CALML4: variants seen among roughly 807,000 people sequenced by gnomAD.
CALML4 encodes calmodulin-like protein 4.
A neutral mutation model predicts 17.9 loss-of-function variants in CALML4; 16 were observed. That is an observed-to-expected ratio of 0.89 (90% CI 0.61 to 1.36). CALML4 has a LOEUF of 1.36. Ranked by LOEUF, CALML4 falls within the 40% of genes most tolerant of loss-of-function variation. The pLI is 0.00. For synonymous variants in CALML4, 86 were observed against 71.5 expected, an observed-to-expected ratio of 1.20 and a Z score of -1.02; for missense variants, 203 against 194.8, an observed-to-expected ratio of 1.04 and a Z score of -0.25.
At chr15:68,194,810 AGT>A (rs1273448850) in intron 4 of CALML4, among the ~76,000 whole-genome samples, 1 of 151,996 alleles carries the variant, frequency 6.6e-6, no homozygotes, top group Non-Finnish European at 1.5e-5. Flanking sequence ...CATCCTCCAC[AGT>A]CCCAGGCTTC....
chr15:68,204,376 C>A lies in CALML4; in HGVS notation c.34+745G>T, dbSNP rs971837983. Reference sequence around the variant, plus strand: ...GGATGCCTCGGGGGACTCTCAGGCCCATTGACGTCCACTGTTGGGACAGGT... The same window carrying A: ...GGATGCCTCGGGGGACTCTCAGGCCAATTGACGTCCACTGTTGGGACAGGT... On this transcript the variant is annotated intron_variant, in intron 2 of 4. Transcript: ENST00000467889. This position sits in a 1 kb window ranked among gnomAD's most constrained non-coding sequence, Gnocchi z 6.0. Among the ~76,000 whole-genome samples, 5 of 152,184 alleles carry A rather than the reference C, an allele frequency of 3.3e-5. No individual in the cohort carries two copies. Among genetic ancestry groups the A allele is most frequent in the Admixed American group, 1.3e-4 (2 of 15,278 alleles).
chr15:68,193,807 A>G lies in CALML4; in HGVS notation c.*208T>C, dbSNP rs2093130936. The G allele has an allele frequency of 5.8e-6, 3 of 520,950 alleles. No individual in the cohort carries two copies. Among genetic ancestry groups the G allele is most frequent in the Non-Finnish European group, 1.0e-5 (3 of 292,302 alleles). 32.3% of individuals were successfully genotyped at this position (520,950 alleles called of 1,614,324 possible). On this transcript the variant is annotated 3_prime_UTR_variant, in exon 5 of 5. Coordinates refer to ENST00000467889, the MANE Select transcript of CALML4 (RefSeq NM_033429.3). ...AAGGGCCGGACTCACGGTAGTTAATAAAATCAATACAAATCTTTTATTAAA... is the reference window on the plus strand; with the variant it reads ...AAGGGCCGGACTCACGGTAGTTAATGAAATCAATACAAATCTTTTATTAAA...
intron 4 of CALML4, 127 bp from the exon 5 acceptor site, chr15:68,194,239 A>C (rs2093133045): frequency 3.0e-6 from 2 of 659,204 alleles, no homozygotes; most frequent in East Asian, 5.4e-5. Flanking sequence ...CCTGTAGACC[A>C]GGAAGTAAAC....
intron 2 of CALML4, among the ~76,000 whole-genome samples, chr15:68,203,807 C>T (rs979635066): frequency 4.6e-5 from 7 of 152,226 alleles, no homozygotes; most frequent in Non-Finnish European, 7.3e-5. Flanking sequence ...CTTCCCACTT[C>T]GCTAGGCCAC....
In CALML4 at chr15:68,197,424, G is replaced by C. The variant is rs766244711; in HGVS notation, c.364+16C>G. 16 of 1,610,436 alleles carry C rather than the reference G, an allele frequency of 9.9e-6. No homozygotes were observed. In the East Asian group the frequency reaches 3.6e-4, roughly 36 times the overall value. On this transcript the variant is annotated intron_variant, in intron 4 of 4. Transcript: ENST00000467889. The surrounding 1 kb of genome is among the most constrained non-coding windows in gnomAD (Gnocchi z 4.1). ...AACCCCCTCCAACTGTTGGGAGACA[G>C]GACCCAGGCTGTTACCTTCCTTGTG...
Position 68,197,858 on chromosome 15 carries a change from C to T in CALML4, c.176-230G>A, listed in dbSNP as rs1035935468. ...TTCAGCAACGTCCTCAGTGACGATGCTTATCATCACCCCAAAGCTCAAGAA... is the reference window on the plus strand; with the variant it reads ...TTCAGCAACGTCCTCAGTGACGATGTTTATCATCACCCCAAAGCTCAAGAA... On this transcript the variant is annotated intron_variant, in intron 3 of 4. Coordinates refer to ENST00000467889, the MANE Select transcript of CALML4 (RefSeq NM_033429.3). The surrounding 1 kb of genome is among the most constrained non-coding windows in gnomAD (Gnocchi z 4.1). 3.5e-5 allele frequency: 18 copies of T among 511,508 alleles called. No individual in the cohort carries two copies. The East Asian group carries it at 5.9e-4, about 17-fold the overall frequency. 31.7% of individuals were successfully genotyped at this position (511,508 alleles called of 1,614,324 possible).
In CALML4 at chr15:68,204,584, G is replaced by A. The variant is rs1471380810; in HGVS notation, c.34+537C>T. Among the ~76,000 whole-genome samples, 1 of 152,204 alleles carries A rather than the reference G, an allele frequency of 6.6e-6. No homozygotes were observed. Among genetic ancestry groups the A allele is most frequent in the African/African-American group, 2.4e-5 (1 of 41,452 alleles). ...CCTGCACGGTGTGAAACTGAAGCCT[G>A]GTCGAGGGCTGGCAGAGTAGGGGAC... is the stretch of plus-strand genomic sequence containing the variant. On this transcript the variant is annotated intron_variant, in intron 2 of 4. Transcript: ENST00000467889. This position sits in a 1 kb window ranked among gnomAD's most constrained non-coding sequence, Gnocchi z 6.0.
Position 68,197,541 on chromosome 15 carries a change from A to G in CALML4, c.263T>C (p.Leu88Pro). Residue 88 changes from leucine to proline, a missense_variant, in exon 4 of 5, where the codon CTA becomes CCA. Physicochemically the swap from Leu to Pro is moderately conservative, Grantham distance 98. Coordinates refer to ENST00000467889, the MANE Select transcript of CALML4 (RefSeq NM_033429.3). This position sits in a 1 kb window ranked among gnomAD's most constrained non-coding sequence, Gnocchi z 4.1. The stretch of plus-strand genomic sequence containing the variant: ...CTCCTTGTCCACCATCAACATGGCT[A>G]GAAGAATTTCTTTCTTTGGGTCTTC... ...KQEDPKKEIL[L>P]AMLMVDKEKK... The G allele has an allele frequency of 6.2e-7, 1 of 1,614,142 alleles. No homozygotes were observed. The highest frequency in any genetic ancestry group is 8.5e-7 in the Non-Finnish European group (1 of 1,180,012).
rs1313491067 is a variant in CALML4 at position 68,194,076 on chromosome 15, T to C, written c.401A>G (p.Asn134Ser). The C allele has an allele frequency of 1.9e-6, 3 of 1,613,922 alleles. No individual in the cohort carries two copies. The highest frequency in any genetic ancestry group is 1.3e-5 in the African/African-American group (1 of 74,926). Reference sequence around the variant, plus strand: ...AAATTCATCATACTTCACTTTGCCATTGGGTTCGATATCTGCTTCCCTGAA... The same window carrying C: ...AAATTCATCATACTTCACTTTGCCACTGGGTTCGATATCTGCTTCCCTGAA... The part of the protein sequence containing the change: ...DLFREADIEP[N>S]GKVKYDEFIH... Residue 134 changes from asparagine to serine, a missense_variant, in exon 5 of 5, where the codon AAT becomes AGT. Asn to Ser is a conservative substitution (Grantham distance 46). Transcript: ENST00000467889.
At position 68,197,418 on chromosome 15, in the gene CALML4, G is replaced by A; in HGVS notation, c.364+22C>T. ...CTCCCTAACCCCCTCCAACTGTTGG[G>A]AGACAGGACCCAGGCTGTTACCTTC... On this transcript the variant is annotated intron_variant, in intron 4 of 4. Coordinates refer to ENST00000467889, the MANE Select transcript of CALML4 (RefSeq NM_033429.3). This position sits in a 1 kb window ranked among gnomAD's most constrained non-coding sequence, Gnocchi z 4.1. 7 of 1,607,870 alleles carry A rather than the reference G, an allele frequency of 4.4e-6. No homozygotes were observed. Among genetic ancestry groups the A allele is most frequent in the Non-Finnish European group, 5.9e-6 (7 of 1,176,900 alleles).
rs755636457 is a variant in CALML4 at position 68,197,430 on chromosome 15, AG to A, written c.364+9del. ...CTCCAACTGTTGGGAGACAGGACCC[AG>A]GCTGTTACCTTCCTTGTGGGTGAGC... On this transcript the variant is annotated intron_variant, in intron 4 of 4. Coordinates refer to ENST00000467889, the MANE Select transcript of CALML4 (RefSeq NM_033429.3). The surrounding 1 kb of genome is among the most constrained non-coding windows in gnomAD (Gnocchi z 4.1). 1 of 1,611,948 alleles carries A rather than the reference AG, an allele frequency of 6.2e-7. No individual in the cohort carries two copies. Among genetic ancestry groups the A allele is most frequent in the Non-Finnish European group, 8.5e-7 (1 of 1,178,936 alleles).
At chr15:68,205,658 T>C (rs988624146), upstream of CALML4, 3 of 428,210 alleles carry the variant, frequency 7.0e-6, no homozygotes, top group African/African-American at 6.0e-5. The surrounding 1 kb of genome is among the most constrained non-coding windows in gnomAD (Gnocchi z 4.8). Context: ...CCGGGTCGTA[T>C]TGAAGGCTCC....
Position 68,197,652 on chromosome 15 carries a change from G to GA in CALML4, c.176-25dup, listed in dbSNP as rs755034568. The GA allele has an allele frequency of 1.0e-3, 1,637 of 1,609,110 alleles. 4 individuals carry two copies. Among genetic ancestry groups the GA allele is most frequent in the Non-Finnish European group, 1.3e-3 (1,526 of 1,177,148 alleles). On this transcript the variant is annotated intron_variant, in intron 3 of 4. Coordinates refer to ENST00000467889, the MANE Select transcript of CALML4 (RefSeq NM_033429.3). This position sits in a 1 kb window ranked among gnomAD's most constrained non-coding sequence, Gnocchi z 4.1. ...GTCTAGGAAACCCGCAAACACAGCA[G>GA]AGTGAGCAGAGGGAAAAAGACTCCT...
rs780772607 is a variant in CALML4, at chr15:68,194,130, T to C, written c.365-18A>G. ...ATCATCCACTGCAATAAATCACATTTAATTTTTCAGTTTGGCTTTAGTGTT... is the reference window on the plus strand; with the variant it reads ...ATCATCCACTGCAATAAATCACATTCAATTTTTCAGTTTGGCTTTAGTGTT... On this transcript the variant is annotated intron_variant, in intron 4 of 4. Coordinates refer to ENST00000467889, the MANE Select transcript of CALML4 (RefSeq NM_033429.3). The C allele has an allele frequency of 6.3e-6, 10 of 1,598,800 alleles. No individual in the cohort carries two copies. Among genetic ancestry groups the C allele is most frequent in the Middle Eastern group, 1.7e-4 (1 of 6,054 alleles).
chr15:68,196,588 G>A (rs2141124055), intron 4 of CALML4, among the ~76,000 whole-genome samples: 1 of 152,318 alleles, frequency 6.6e-6, no homozygotes, highest in Middle Eastern at 3.4e-3. Flanking sequence ...TAAGGTCGGG[G>A]TCCCTGGCCT....
rs1383650985 is a variant in CALML4, at chr15:68,197,490, T to C, written c.314A>G (p.Asp105Gly). The C allele has an allele frequency of 4.8e-5, 78 of 1,614,000 alleles. No homozygotes were observed. Among genetic ancestry groups the C allele is most frequent in the Non-Finnish European group, 6.6e-5 (78 of 1,180,034 alleles). Residue 105 changes from aspartate to glycine, a missense_variant, in exon 4 of 5, where the codon GAC (aspartate) becomes GGC (glycine). Physicochemically the swap from Asp to Gly is moderately conservative, Grantham distance 94. Transcript: ENST00000467889. The surrounding 1 kb of genome is among the most constrained non-coding windows in gnomAD (Gnocchi z 4.1). ...KEKKGYVMAS[D>G]LRSKLTSLGE... is the part of the protein sequence containing the mutation. The stretch of plus-strand genomic sequence containing the variant: ...CAGACTCGTGAGTTTTGACCGCAGG[T>C]CGGACGCCATGACGTAACCTTTCTT...
intron 4 of CALML4, among the ~76,000 whole-genome samples, chr15:68,195,429 C>A (rs2093140116): frequency 6.6e-6 from 1 of 152,180 alleles, no homozygotes; most frequent in Non-Finnish European, 1.5e-5. Flanking sequence ...CCACAATCAG[C>A]CAGGTGGCTA....
chr15:68,194,736 T>G (rs1033780442), intron 4 of CALML4, among the ~76,000 whole-genome samples: 1 of 152,058 alleles, frequency 6.6e-6, no homozygotes, highest in African/African-American at 2.4e-5. Flanking sequence ...CCTGTGCCCA[T>G]ATTTCTAGAA....
In CALML4 at chr15:68,191,614, G is replaced by A. The variant is rs2093120637; in HGVS notation, c.*2401C>T. ...CTAATTTTCTTGCAGCATGCTTTGA[G>A]GTAAGTAATGAATATAGCCATCATT... On this transcript the variant is annotated 3_prime_UTR_variant, in exon 5 of 5. Coordinates refer to ENST00000467889, the MANE Select transcript of CALML4 (RefSeq NM_033429.3). 6.6e-6 allele frequency: 1 copy of A among 152,632 alleles called. No homozygotes were observed. The highest frequency in any genetic ancestry group is 6.5e-5 in the Admixed American group (1 of 15,278). The allele number at this position is 152,632 out of a possible 1,614,324, so 9.5% of individuals were successfully genotyped here. A position where few individuals can be genotyped will look rare whatever the true frequency, so the allele number is the denominator to read the frequency against.
Sources: gnomAD v4.1 joint callset for allele counts (sites outside exome capture counted in the v4.1 genomes callset) on GRCh38, gnomAD v4.1.1 for gene constraint, Gnocchi (gnomAD v3.1) non-coding constraint, MANE v1.5 for transcripts, NCBI Gene and HGNC (gene_info 2026-07-23, HGNC 2026-07-21) for gene names.